TENM4: variants seen among roughly 807,000 people sequenced by gnomAD.
The protein encoded by TENM4 is teneurin-4.
A neutral mutation model predicts 243.3 loss-of-function variants in TENM4; 82 were observed. The observed-to-expected ratio is 0.34, with a 90% CI of 0.28 to 0.40. The LOEUF is 0.40. Among genes scored for constraint, TENM4 ranks in the 10% least tolerant of loss-of-function variants. The pLI, the probability that TENM4 is intolerant of heterozygous loss-of-function variation, is 1.00. For missense variants in TENM4, 3,138 were observed against 3,673.3 expected, an observed-to-expected ratio of 0.85 and a Z score of 3.77; for synonymous variants, 1,412 against 1,456.3, an observed-to-expected ratio of 0.97 and a Z score of 0.69.
intron 2 of TENM4, among the ~76,000 whole-genome samples, chr11:79,237,943 G>A (rs1489051097): frequency 1.3e-5 from 2 of 152,072 alleles, no homozygotes; most frequent in East Asian, 3.9e-4. Context: ...TGTACAAAGA[G>A]AATAGCAAAG....
chr11:78,838,726 G>T (rs1334125116), intron 12 of TENM4, among the ~76,000 whole-genome samples: 7 of 152,112 alleles, frequency 4.6e-5, no homozygotes, highest in African/African-American at 1.7e-4. Context: ...CCATCCAAAG[G>T]GGGCAGGGCC....
At chr11:79,345,145 C>T (rs1309857673) in intron 1 of TENM4, among the ~76,000 whole-genome samples, 2 of 152,214 alleles carry the variant, frequency 1.3e-5, no homozygotes, top group South Asian at 4.1e-4. Flanking sequence ...TGTTCAAACT[C>T]TTTACCCACC....
intron 4 of TENM4, chr11:79,097,310 T>C (rs1450776467): frequency 6.6e-6 from 1 of 152,238 alleles, no homozygotes; most frequent in Non-Finnish European, 1.5e-5. Flanking sequence ...TTCTATTCTT[T>C]GGGTAAGTTT....
chr11:78,663,899 G>C (rs1458339265), intron 32 of TENM4, among the ~76,000 whole-genome samples: 1 of 152,042 alleles, frequency 6.6e-6, no homozygotes, highest in Non-Finnish European at 1.5e-5. Context: ...TTTTGTTTTC[G>C]GGTTGTCTGG....
chr11:78,690,611 G>T (rs1858796039), intron 28 of TENM4, among the ~76,000 whole-genome samples: 2 of 152,144 alleles, frequency 1.3e-5, no homozygotes, highest in Non-Finnish European at 1.5e-5. Flanking sequence ...CACTTATAGG[G>T]CAAGTTGAAG....
At chr11:79,255,346 A>G (rs1276245722) in intron 2 of TENM4, among the ~76,000 whole-genome samples, 1 of 152,074 alleles carries the variant, frequency 6.6e-6, no homozygotes, top group Non-Finnish European at 1.5e-5. Context: ...CCGGCCTCTC[A>G]TGTTCCTAAC....
In TENM4 at chr11:79,069,997, A is replaced by G; in HGVS notation, c.-53T>C. 8 of 1,527,376 alleles carry G rather than the reference A, an allele frequency of 5.2e-6. No individual in the cohort carries two copies. The highest frequency in any genetic ancestry group is 7.0e-6 in the Non-Finnish European group (8 of 1,139,738). 94.6% of individuals were successfully genotyped at this position (1,527,376 alleles called of 1,614,324 possible). A position where few individuals can be genotyped will look rare whatever the true frequency, so the allele number is the denominator to read the frequency against. Reference sequence around the variant, plus strand: ...CACAAACAGGGTCCTCGCCGCACTCAGGGCCGAGTGGTCTAGAGCCAGGGA... The same window carrying G: ...CACAAACAGGGTCCTCGCCGCACTCGGGGCCGAGTGGTCTAGAGCCAGGGA... On this transcript the variant is annotated 5_prime_UTR_variant, in exon 5 of 34. Coordinates refer to ENST00000278550, the MANE Select transcript of TENM4 (RefSeq NM_001098816.3).
At chr11:79,098,210 G>T (rs910939434) in intron 4 of TENM4, among the ~76,000 whole-genome samples, 1 of 136,858 alleles carries the variant, frequency 7.3e-6, no homozygotes, top group African/African-American at 2.9e-5. Flanking sequence ...CGGGTCTCTT[G>T]TGTCTCCCCC....
intron 9 of TENM4, among the ~76,000 whole-genome samples, chr11:78,886,190 A>G (rs1399770807): frequency 6.6e-6 from 1 of 152,202 alleles, no homozygotes; most frequent in Non-Finnish European, 1.5e-5. Context: ...ACAGTAATTA[A>G]TAATTGATTA....
intron 12 of TENM4, among the ~76,000 whole-genome samples, chr11:78,850,825 A>G (rs1858518755): frequency 6.6e-6 from 1 of 152,120 alleles, no homozygotes; most frequent in Admixed American, 6.5e-5. Context: ...GCAAAGTACT[A>G]TTGTTCCATT....
intron 2 of TENM4, among the ~76,000 whole-genome samples, chr11:79,262,577 C>T (rs1855817086): frequency 6.6e-6 from 1 of 152,186 alleles, no homozygotes; most frequent in Non-Finnish European, 1.5e-5. Context: ...CCCATTTCCT[C>T]ACTACAGCAA....
chr11:78,996,559 T>A (rs1481064455), intron 6 of TENM4, among the ~76,000 whole-genome samples: 1 of 152,108 alleles, frequency 6.6e-6, no homozygotes, highest in Non-Finnish European at 1.5e-5. Flanking sequence ...AGTTTTAGGA[T>A]AGTTTGTTAC....
At chr11:79,096,210 T>A (rs1423513807) in intron 4 of TENM4, 1 of 152,182 alleles carries the variant, frequency 6.6e-6, no homozygotes, top group East Asian at 1.9e-4. Flanking sequence ...CTGAGGATCA[T>A]TCCCAGGAAG....
At chr11:78,675,287 C>T (rs1009641149) in intron 30 of TENM4, among the ~76,000 whole-genome samples, 1 of 152,126 alleles carries the variant, frequency 6.6e-6, no homozygotes, top group Non-Finnish European at 1.5e-5. Context: ...TGCTGAAGGG[C>T]AGGGGACTTA....
At chr11:78,925,876 A>G (rs2136402178) in intron 6 of TENM4, among the ~76,000 whole-genome samples, 1 of 151,904 alleles carries the variant, frequency 6.6e-6, no homozygotes, top group East Asian at 1.9e-4. Flanking sequence ...GCAATTAACA[A>G]CTCCAAGAAA....
intron 15 of TENM4, among the ~76,000 whole-genome samples, chr11:78,793,945 A>G (rs796090228): frequency 1.2e-4 from 19 of 152,338 alleles, no homozygotes; most frequent in African/African-American, 4.3e-4. Flanking sequence ...CAGCTAGACT[A>G]TAAGATCTCT....
At chr11:79,030,012 T>C (rs1859185714) in intron 6 of TENM4, among the ~76,000 whole-genome samples, 1 of 151,988 alleles carries the variant, frequency 6.6e-6, no homozygotes, top group African/African-American at 2.4e-5. Context: ...TAGGGAAAGG[T>C]AATAGGCAGA....
intron 17 of TENM4, among the ~76,000 whole-genome samples, chr11:78,772,002 T>C (rs558449002): frequency 6.6e-5 from 10 of 152,260 alleles, no homozygotes; most frequent in African/African-American, 2.4e-4. Context: ...AGGAGACAAA[T>C]TTATGTAGGC....
At chr11:79,183,587 TA>T (rs1215217047) in intron 3 of TENM4, among the ~76,000 whole-genome samples, 2 of 152,182 alleles carry the variant, frequency 1.3e-5, no homozygotes, top group African/African-American at 4.8e-5. Flanking sequence ...TCATCAGTGG[TA>T]ACAAATGTAC....
Sources: allele counts gnomAD v4.1 joint callset (sites outside exome capture counted in the v4.1 genomes callset), GRCh38; gene constraint gnomAD v4.1.1; transcripts MANE v1.5; gene names NCBI Gene and HGNC (gene_info 2026-07-23, HGNC 2026-07-21).